The following ENTREP2 variants were observed in gnomAD, a reference collection of about 807,000 sequenced individuals.
The protein encoded by ENTREP2 is endosomal transmembrane epsin interactor 2, also known as protein ENTREP2.
At chr15:29,133,788 TCACTATGAACTA>T in the ENTREP2 span, among the ~76,000 whole-genome samples, 1 of 152,146 alleles carries the variant, frequency 6.6e-6, no homozygotes, top group Non-Finnish European at 1.5e-5. Context: ...CTAACTCTGA[TCACTATGAACTA>T]CAGCTCCTGT....
the ENTREP2 span, chr15:29,375,905 T>G: frequency 2.0e-5 from 3 of 152,242 alleles, 1 homozygote; most frequent in Middle Eastern, 0.01. Flanking sequence ...CCGTGATGGA[T>G]ACACGTTTCT....
chr15:29,606,241 T>TC, the ENTREP2 span, among the ~76,000 whole-genome samples: 1 of 149,154 alleles, frequency 6.7e-6, no homozygotes, highest in Non-Finnish European at 1.5e-5. Flanking sequence ...TTTCCTTCTT[T>TC]TTTTTTTTTT....
chr15:29,398,920 C>CA, the ENTREP2 span, among the ~76,000 whole-genome samples: 1 of 151,946 alleles, frequency 6.6e-6, no homozygotes, highest in Admixed American at 6.5e-5. Flanking sequence ...GGTCCCAAAT[C>CA]AGTTTGCTGT....
chr15:29,333,611 A>G, the ENTREP2 span, among the ~76,000 whole-genome samples: 1 of 152,172 alleles, frequency 6.6e-6, no homozygotes, highest in Non-Finnish European at 1.5e-5. Flanking sequence ...CCATTTAGTG[A>G]TAAGATTTTC....
the ENTREP2 span, among the ~76,000 whole-genome samples, chr15:29,345,878 C>A: frequency 6.6e-6 from 1 of 152,230 alleles, no homozygotes; most frequent in African/African-American, 2.4e-5. Flanking sequence ...CCCCGTGAGG[C>A]AAGATGATGA....
the ENTREP2 span, among the ~76,000 whole-genome samples, chr15:29,231,034 A>G: frequency 1.1e-4 from 16 of 152,314 alleles, no homozygotes; most frequent in African/African-American, 3.4e-4. Context: ...GGCAGTCTCT[A>G]TTAACTTTTA....
chr15:29,437,459 G>C, the ENTREP2 span, among the ~76,000 whole-genome samples: 1 of 152,172 alleles, frequency 6.6e-6, no homozygotes, highest in Non-Finnish European at 1.5e-5. Flanking sequence ...TGTTTTAAAA[G>C]TAACAGAACA....
chr15:29,657,018 A>G, the ENTREP2 span, among the ~76,000 whole-genome samples: 9 of 152,226 alleles, frequency 5.9e-5, no homozygotes, highest in Admixed American at 1.3e-4. Context: ...GCTGCCTTCA[A>G]GAACGAAGCC....
At chr15:29,531,726 C>T in the ENTREP2 span, among the ~76,000 whole-genome samples, 2 of 152,204 alleles carry the variant, frequency 1.3e-5, no homozygotes, top group African/African-American at 2.4e-5. Context: ...AGCGCAGTGG[C>T]GCAATCTCGG....
At chr15:29,297,949 C>G in the ENTREP2 span, among the ~76,000 whole-genome samples, 1 of 152,180 alleles carries the variant, frequency 6.6e-6, no homozygotes, top group Non-Finnish European at 1.5e-5. Flanking sequence ...ATAAAAGAAT[C>G]TAGCAGCTGA....
At chr15:29,249,760 A>G in the ENTREP2 span, among the ~76,000 whole-genome samples, 4 of 152,090 alleles carry the variant, frequency 2.6e-5, no homozygotes, top group African/African-American at 9.7e-5. Flanking sequence ...GGTAATTTAT[A>G]AAGAGGTTTA....
chr15:29,353,298 C>T, the ENTREP2 span, among the ~76,000 whole-genome samples: 1 of 152,088 alleles, frequency 6.6e-6, no homozygotes, highest in African/African-American at 2.4e-5. Context: ...GGACTAAGTG[C>T]TGCACGCAAA....
chr15:29,444,168 GAC>G, the ENTREP2 span, among the ~76,000 whole-genome samples: 1 of 62,402 alleles, frequency 1.6e-5, no homozygotes, highest in Admixed American at 1.7e-4. Flanking sequence ...AAGAAAGACA[GAC>G]AAAGAAAGAA....
chr15:29,633,383 T>G, the ENTREP2 span, among the ~76,000 whole-genome samples: 1 of 152,198 alleles, frequency 6.6e-6, no homozygotes, highest in Non-Finnish European at 1.5e-5. Context: ...TCCATAGATC[T>G]ATAAGATGTA....
chr15:29,544,257 T>C, the ENTREP2 span, among the ~76,000 whole-genome samples: 1 of 152,174 alleles, frequency 6.6e-6, no homozygotes, highest in African/African-American at 2.4e-5. Context: ...ACATTCAATA[T>C]TAATTGATAT....
At chr15:29,270,650 GA>G in the ENTREP2 span, among the ~76,000 whole-genome samples, 2 of 129,046 alleles carry the variant, frequency 1.5e-5, no homozygotes, top group Non-Finnish European at 3.0e-5. Flanking sequence ...TATTAGCTTT[GA>G]GGAAAAAAAA....
the ENTREP2 span, among the ~76,000 whole-genome samples, chr15:29,209,214 A>T: frequency 6.6e-6 from 1 of 152,298 alleles, no homozygotes; most frequent in African/African-American, 2.4e-5. Flanking sequence ...AAAAATACAC[A>T]AATCTGTCTG....
the ENTREP2 span, among the ~76,000 whole-genome samples, chr15:29,461,726 G>A: frequency 2.0e-5 from 3 of 152,160 alleles, no homozygotes; most frequent in Admixed American, 2.0e-4. Context: ...ACCCGCTTCG[G>A]CCTCCCATAG....
At chr15:29,501,737 T>C in the ENTREP2 span, among the ~76,000 whole-genome samples, 1 of 152,030 alleles carries the variant, frequency 6.6e-6, no homozygotes, top group Non-Finnish European at 1.5e-5. Flanking sequence ...GAAGTAAAAG[T>C]ATCTCTGTTC....
Sources: gnomAD v4.1 joint callset for allele counts (sites outside exome capture counted in the v4.1 genomes callset) on GRCh38, gnomAD v4.1.1 for gene constraint, MANE v1.5 for transcripts, NCBI Gene and HGNC (gene_info 2026-07-23, HGNC 2026-07-21) for gene names.